CDH22: variants seen among roughly 807,000 people sequenced by gnomAD.
CDH22 encodes the protein cadherin 22, also known as cadherin-22.
A neutral mutation model predicts 58.4 loss-of-function variants in CDH22; 30 were observed. The ratio of observed to expected loss-of-function variants is 0.51; its 90% confidence interval spans 0.38 to 0.70. The LOEUF (loss-of-function observed/expected upper bound fraction) is 0.70. CDH22 is among the 30% of genes least tolerant of loss of function. The pLI, the probability that CDH22 is intolerant of heterozygous loss-of-function variation, is 0.00. For synonymous variants in CDH22, 513 were observed against 558.2 expected, an observed-to-expected ratio of 0.92 and a Z score of 1.14; for missense variants, 1,014 against 1,233.9, an observed-to-expected ratio of 0.82 and a Z score of 2.67.
chr20:46,238,491 C>G (rs1015322326), intron 3 of CDH22, among the ~76,000 whole-genome samples: 1 of 152,112 alleles, frequency 6.6e-6, no homozygotes, highest in African/African-American at 2.4e-5. Flanking sequence ...ATATTCAACT[C>G]TCTTGTTCAA....
At chr20:46,211,163 G>T (rs1337677156) in intron 6 of CDH22, among the ~76,000 whole-genome samples, 2 of 152,220 alleles carry the variant, frequency 1.3e-5, no homozygotes, top group African/African-American at 4.8e-5. Context: ...CTTATCGGGG[G>T]GTGCTAATGG....
At position 46,223,916 on chromosome 20, in the gene CDH22, C is replaced by T. The variant is rs139618902; in HGVS notation, c.670+3592G>A. On this transcript the variant is annotated intron_variant, in intron 4 of 11. Transcript: ENST00000537909. ...TCACTCAGGCTGGAGTGCAGTGGTGCGATCTTGGCTCACTGCAACCTCTGC... is the reference window on the plus strand; with the variant it reads ...TCACTCAGGCTGGAGTGCAGTGGTGTGATCTTGGCTCACTGCAACCTCTGC... Among the ~76,000 whole-genome samples the T allele has an allele frequency of 8.8e-3, 1,335 of 151,284 alleles. 18 individuals are homozygous for T. The highest frequency in any genetic ancestry group is 0.031 in the African/African-American group (1,277 of 41,138).
chr20:46,226,936 G>A (rs940196541), intron 4 of CDH22, among the ~76,000 whole-genome samples: 5 of 152,224 alleles, frequency 3.3e-5, no homozygotes, highest in Non-Finnish European at 7.3e-5. Flanking sequence ...GTGAAGTGGG[G>A]ACAGCGGGTG....
intron 1 of CDH22, among the ~76,000 whole-genome samples, chr20:46,252,847 C>A (rs2086387038): frequency 6.6e-6 from 1 of 152,166 alleles, no homozygotes; most frequent in Admixed American, 6.5e-5. Flanking sequence ...AACCTGAGAC[C>A]TGTGGGGCTC....
At chr20:46,175,736 T>C (rs1174638799) in intron 11 of CDH22, among the ~76,000 whole-genome samples, 2 of 152,182 alleles carry the variant, frequency 1.3e-5, no homozygotes, top group East Asian at 1.9e-4. Flanking sequence ...ATGCAGACCC[T>C]TGGATCCTGG....
At chr20:46,257,544 G>A (rs971729641) in intron 1 of CDH22, among the ~76,000 whole-genome samples, 11 of 152,164 alleles carry the variant, frequency 7.2e-5, no homozygotes, top group Non-Finnish European at 1.2e-4. Context: ...CAGCGGCAAT[G>A]ATGGCGTTTC....
At chr20:46,254,482 G>A (rs745434112) in intron 1 of CDH22, among the ~76,000 whole-genome samples, 5 of 151,046 alleles carry the variant, frequency 3.3e-5, no homozygotes, top group Admixed American at 2.6e-4. Flanking sequence ...TTGAACCTGG[G>A]AGGTGGAGGT....
At chr20:46,237,643 C>A (rs2086262940) in intron 3 of CDH22, among the ~76,000 whole-genome samples, 1 of 152,296 alleles carries the variant, frequency 6.6e-6, no homozygotes, top group South Asian at 2.1e-4. Flanking sequence ...TTGAGTCCCC[C>A]CCACTCCCGA....
chr20:46,270,313 T>G (rs2086480566), intron 1 of CDH22, among the ~76,000 whole-genome samples: 1 of 152,136 alleles, frequency 6.6e-6, no homozygotes, highest in Non-Finnish European at 1.5e-5. Context: ...AGGTAGGGCC[T>G]GCTGGGGCTG....
intron 11 of CDH22, among the ~76,000 whole-genome samples, chr20:46,175,543 G>C (rs1306288886): frequency 6.6e-6 from 1 of 152,156 alleles, no homozygotes; most frequent in Non-Finnish European, 1.5e-5. Flanking sequence ...GAAGTCTTGA[G>C]CTCCTACTCA....
intron 1 of CDH22, among the ~76,000 whole-genome samples, chr20:46,256,031 C>A (rs1213635761): frequency 1.3e-5 from 2 of 152,220 alleles, no homozygotes; most frequent in Non-Finnish European, 2.9e-5. Context: ...TGTCCGTCTG[C>A]CCATGGGCCT....
At chr20:46,191,869 C>A (rs1271371938) in intron 8 of CDH22, among the ~76,000 whole-genome samples, 1 of 152,100 alleles carries the variant, frequency 6.6e-6, no homozygotes, top group Non-Finnish European at 1.5e-5. Flanking sequence ...AGCCCAAGTC[C>A]CCCATGCCCA....
rs141065364 is a variant in CDH22 at position 46,266,583 on chromosome 20, G to A, written c.-399-14890C>T. ...AGCTGCTTTGATGATGCACATATTC[G>A]GGATAGTTAATTTTTATTGTAACCT... is the stretch of plus-strand genomic sequence containing the variant. On this transcript the variant is annotated intron_variant, in intron 1 of 11. Coordinates refer to ENST00000537909, the MANE Select transcript of CDH22 (RefSeq NM_021248.3). Among the ~76,000 whole-genome samples the A allele has an allele frequency of 4.0e-3, 605 of 152,248 alleles. 7 individuals carry two copies. Among genetic ancestry groups the A allele is most frequent in the African/African-American group, 0.014 (565 of 41,524 alleles).
At chr20:46,269,005 C>T (rs1409832206) in intron 1 of CDH22, among the ~76,000 whole-genome samples, 1 of 152,196 alleles carries the variant, frequency 6.6e-6, no homozygotes, top group East Asian at 1.9e-4. Context: ...ATGGGGAAAT[C>T]ACTCCTCTCT....
At chr20:46,202,564 AG>A (rs1378349916) in intron 7 of CDH22, among the ~76,000 whole-genome samples, 2 of 152,110 alleles carry the variant, frequency 1.3e-5, no homozygotes, top group African/African-American at 2.4e-5. Flanking sequence ...CTTGTTAGCC[AG>A]GATGGTCTCA....
In CDH22 at chr20:46,282,755, G is replaced by A. The variant is rs186809081; in HGVS notation, c.-400+25500C>T. On this transcript the variant is annotated intron_variant, in intron 1 of 11. Coordinates refer to ENST00000537909, the MANE Select transcript of CDH22 (RefSeq NM_021248.3). Reference sequence around the variant, plus strand: ...TCCCCCAGTGAGTTCTCCCCCGGGGGAGGGAAGGGTGGGTGGGTGATTGCC... The same window carrying A: ...TCCCCCAGTGAGTTCTCCCCCGGGGAAGGGAAGGGTGGGTGGGTGATTGCC... Among the ~76,000 whole-genome samples the A allele has an allele frequency of 7.1e-3, 1,081 of 152,102 alleles. 15 individuals are homozygous for A. The highest frequency in any genetic ancestry group is 0.025 in the African/African-American group (1,025 of 41,512).
At chr20:46,299,211 T>C (rs2086640695) in intron 1 of CDH22, among the ~76,000 whole-genome samples, 1 of 152,220 alleles carries the variant, frequency 6.6e-6, no homozygotes, top group Non-Finnish European at 1.5e-5. Context: ...GGCAACCAGC[T>C]GACACCGAAG....
chr20:46,221,044 T>C (rs2086121104), intron 4 of CDH22, among the ~76,000 whole-genome samples: 1 of 152,200 alleles, frequency 6.6e-6, no homozygotes, highest in Non-Finnish European at 1.5e-5. Flanking sequence ...TGCTGCGGCC[T>C]GTCCTCTTGG....
intron 1 of CDH22, among the ~76,000 whole-genome samples, chr20:46,290,133 G>A (rs1022273150): frequency 2.6e-5 from 4 of 152,194 alleles, no homozygotes; most frequent in Admixed American, 2.0e-4. Context: ...AAACTTTGGT[G>A]AGAAAACTGT....
Sources: gnomAD v4.1 joint callset for allele counts (sites outside exome capture counted in the v4.1 genomes callset) on GRCh38, gnomAD v4.1.1 for gene constraint, MANE v1.5 for transcripts, NCBI Gene and HGNC (gene_info 2026-07-23, HGNC 2026-07-21) for gene names.